KCNJ1: variants seen among roughly 807,000 people sequenced by gnomAD.
KCNJ1 encodes the protein potassium inwardly rectifying channel subfamily J member 1.
A neutral mutation model predicts 21.9 loss-of-function variants in KCNJ1; 24 were observed. The ratio of observed to expected loss-of-function variants is 1.10; its 90% CI spans 0.79 to 1.54. The LOEUF is 1.54. Among genes scored for constraint, KCNJ1 ranks in the 40% most tolerant of loss-of-function variants. The pLI, the probability that KCNJ1 is intolerant of heterozygous loss-of-function variation, is 0.00. For missense variants in KCNJ1, 457 were observed against 455.4 expected (o/e 1.00, Z -0.03); for synonymous variants, 152 against 160.9 (o/e 0.94, Z 0.42).
intron 2 of KCNJ1, among the ~76,000 whole-genome samples, chr11:128,850,108 G>C (rs999766012): frequency 6.6e-6 from 1 of 152,046 alleles, no homozygotes; most frequent in Non-Finnish European, 1.5e-5. Flanking sequence ...GGAGCAGGTC[G>C]TTTAACCTCT....
chr11:128,850,283 C>A (rs1409765557), intron 2 of KCNJ1, among the ~76,000 whole-genome samples: 1 of 152,134 alleles, frequency 6.6e-6, no homozygotes, highest in African/African-American at 2.4e-5. Flanking sequence ...AGATCCCCCT[C>A]CCCATTTAAA....
At chr11:128,844,061 TATAA>T in intron 2 of KCNJ1, among the ~76,000 whole-genome samples, 1 of 152,348 alleles carries the variant, frequency 6.6e-6, no homozygotes, top group South Asian at 2.1e-4. Context: ...GTAGAAACTC[TATAA>T]ATATTTGCTG....
intron 1 of KCNJ1, among the ~76,000 whole-genome samples, chr11:128,853,777 G>GT (rs1243571542): frequency 6.6e-6 from 1 of 152,196 alleles, no homozygotes; most frequent in African/African-American, 2.4e-5. Context: ...TTGGGCCCTT[G>GT]TTGGAACCTC....
At chr11:128,845,661 A>G (rs1943366604) in intron 2 of KCNJ1, among the ~76,000 whole-genome samples, 1 of 152,222 alleles carries the variant, frequency 6.6e-6, no homozygotes, top group Non-Finnish European at 1.5e-5. Context: ...GGCAGCTCAC[A>G]TGGGAACAGC....
chr11:128,839,795 A>G lies in KCNJ1; in HGVS notation c.449T>C (p.Ile150Thr), dbSNP rs1943247725. Residue 150 changes from isoleucine (I) to threonine (T), a missense_variant, in exon 3 of 3, where the codon ATA becomes ACA. Ile to Thr is a moderately conservative substitution (Grantham distance 89, BLOSUM62 -1). Transcript: ENST00000392666. ...LLIFQSILGV[I>T]INSFMCGAIL... Reference sequence around the variant, plus strand: ...GGCCCCACACATGAAAGAATTGATTATAACTCCAAGTATAGACTGAAAGAT... The same window carrying G: ...GGCCCCACACATGAAAGAATTGATTGTAACTCCAAGTATAGACTGAAAGAT... 1.9e-6 allele frequency: 3 copies of G among 1,614,166 alleles called. No homozygotes were observed. The highest frequency in any genetic ancestry group is 1.7e-5 in the Admixed American group (1 of 60,022).
At chr11:128,852,816 C>G (rs554094960) in intron 1 of KCNJ1, among the ~76,000 whole-genome samples, 64 of 152,360 alleles carry the variant, frequency 4.2e-4, no homozygotes, top group African/African-American at 1.5e-3. Context: ...GTGTCTGCCT[C>G]TGAAACAAGG....
intron 2 of KCNJ1, among the ~76,000 whole-genome samples, chr11:128,841,554 G>A (rs972764494): frequency 3.3e-5 from 5 of 152,076 alleles, no homozygotes; most frequent in South Asian, 2.1e-4. Flanking sequence ...ACCCTGGTCC[G>A]CAATGTCTTC....
At position 128,839,849 on chromosome 11, in the gene KCNJ1, T is replaced by C; in HGVS notation, c.395A>G (p.Glu132Gly). The change falls in exon 3 of 3, where the codon GAA becomes GGA. Residue 132 changes from glutamate to glycine, a missense_variant. Physicochemically the swap from Glu to Gly is moderately conservative, Grantham distance 98. Transcript: ENST00000392666. ...CAGAAAAATGGCAGTGGCACACTGT[T>C]CTGTCACACACCTGAATCCATATCC... ...TIGYGFRCVT[E>G]QCATAIFLLI... 1 of 1,614,186 alleles carries C rather than the reference T, an allele frequency of 6.2e-7. No individual in the cohort carries two copies. The highest frequency in any genetic ancestry group is 8.5e-7 in the Non-Finnish European group (1 of 1,180,022).
At chr11:128,858,486 G>A (rs1943633204) in intron 1 of KCNJ1, among the ~76,000 whole-genome samples, 4 of 152,166 alleles carry the variant, frequency 2.6e-5, no homozygotes, top group Non-Finnish European at 5.9e-5. Context: ...TGAAAAATGG[G>A]AAGGGCACAT....
At chr11:128,851,640 GGTATTAAATCAACTCA>G (rs1943478543) in intron 1 of KCNJ1, among the ~76,000 whole-genome samples, 1 of 152,122 alleles carries the variant, frequency 6.6e-6, no homozygotes, top group Non-Finnish European at 1.5e-5. Context: ...GGTTTGGGTT[GGTATTAAATCAACTCA>G]GTCTTTCCAG....
At chr11:128,840,580 A>G (rs1044692847) in intron 2 of KCNJ1, among the ~76,000 whole-genome samples, 1 of 152,226 alleles carries the variant, frequency 6.6e-6, no homozygotes, top group African/African-American at 2.4e-5. Context: ...ATATGTTTGT[A>G]ATAACCAATT....
intron 2 of KCNJ1, among the ~76,000 whole-genome samples, chr11:128,842,891 T>C (rs148180158): frequency 6.6e-6 from 1 of 152,268 alleles, no homozygotes; most frequent in East Asian, 1.9e-4. Flanking sequence ...AAGATGCAGG[T>C]GAACATACAG....
intron 2 of KCNJ1, among the ~76,000 whole-genome samples, chr11:128,848,529 A>G (rs1021008425): frequency 6.6e-6 from 1 of 152,086 alleles, no homozygotes; most frequent in African/African-American, 2.4e-5. Context: ...GTTCTTCATA[A>G]TAGTTTCTTA....
intron 1 of KCNJ1, among the ~76,000 whole-genome samples, chr11:128,859,903 A>C (rs1478545978): frequency 6.6e-6 from 1 of 152,262 alleles, no homozygotes; most frequent in African/African-American, 2.4e-5. Context: ...AGTGACCTTG[A>C]AAAGTACCCG....
rs184963485 is a variant in KCNJ1 at position 128,861,706 on chromosome 11, C to G, written c.-192+5467G>C. ...CAAAAACACCAGCCCCGTGCCCTGC[C>G]TGTCGGTAAGCGGCCACCGGAACCC... On this transcript the variant is annotated intron_variant, in intron 1 of 2. Transcript: ENST00000392666. Among the ~76,000 whole-genome samples, 347 of 152,214 alleles carry G rather than the reference C, an allele frequency of 2.3e-3. 1 individual carries two copies. Among genetic ancestry groups the G allele is most frequent in the Non-Finnish European group, 3.7e-3 (254 of 67,988 alleles).
chr11:128,857,101 T>C (rs953027715), intron 1 of KCNJ1, among the ~76,000 whole-genome samples: 1 of 152,176 alleles, frequency 6.6e-6, no homozygotes, highest in Non-Finnish European at 1.5e-5. Context: ...CCCTCTGCTC[T>C]GCAATGTGCG....
chr11:128,862,545 G>A (rs1001548212), intron 1 of KCNJ1, among the ~76,000 whole-genome samples: 1 of 152,318 alleles, frequency 6.6e-6, no homozygotes, highest in Non-Finnish European at 1.5e-5. Context: ...GGGTCGGGGA[G>A]CCTGGTTGGT....
At chr11:128,865,433 G>A (rs1240818393) in intron 1 of KCNJ1, among the ~76,000 whole-genome samples, 1 of 152,020 alleles carries the variant, frequency 6.6e-6, no homozygotes, top group Non-Finnish European at 1.5e-5. Flanking sequence ...AACACAATGA[G>A]TTCTAATTAC....
intron 1 of KCNJ1, among the ~76,000 whole-genome samples, chr11:128,862,487 G>A (rs1423172702): frequency 6.6e-6 from 1 of 152,172 alleles, no homozygotes; most frequent in Non-Finnish European, 1.5e-5. Context: ...ACAGCCCTGT[G>A]TCCTACCGCC....
Sources: allele counts gnomAD v4.1 joint callset (sites outside exome capture counted in the v4.1 genomes callset), GRCh38; gene constraint gnomAD v4.1.1; transcripts MANE v1.5; gene names NCBI Gene and HGNC (gene_info 2026-07-23, HGNC 2026-07-21).